The following UBN2 variants were observed in gnomAD, a reference collection of about 807,000 sequenced individuals.
UBN2 encodes the protein ubinuclein-2.
In UBN2, 35 loss-of-function variants were observed where a neutral mutation model predicts 120.2. That is an observed-to-expected ratio of 0.29 (90% CI 0.22 to 0.39). The LOEUF is 0.39. Ranked by LOEUF, UBN2 falls within the 10% of genes least tolerant of loss-of-function variation. The pLI is 1.00. For synonymous variants in UBN2, 661 were observed against 648.7 expected (o/e 1.02, Z -0.29); for missense variants, 1,693 against 1,663.2 (o/e 1.02, Z -0.31).
intron 2 of UBN2, among the ~76,000 whole-genome samples, chr7:139,239,551 C>CTTTTTTTTTTTTTT (rs774812960): frequency 1.1e-5 from 1 of 94,580 alleles, no homozygotes; most frequent in Non-Finnish European, 2.0e-5. Flanking sequence ...ATTAGAGTGT[C>CTTTTTTTTTTTTTT]TTTTTTTTTT....
intron 9 of UBN2, among the ~76,000 whole-genome samples, chr7:139,272,677 C>A (rs545386520): frequency 6.6e-6 from 1 of 152,200 alleles, no homozygotes; most frequent in South Asian, 2.1e-4. Flanking sequence ...CAGACACGTG[C>A]CACCACACCA....
At position 139,284,477 on chromosome 7, in the gene UBN2, G is replaced by T; in HGVS notation, c.3572G>T (p.Gly1191Val). 1 of 1,614,172 alleles carries T rather than the reference G, an allele frequency of 6.2e-7. No individual in the cohort carries two copies. The highest frequency in any genetic ancestry group is 1.1e-5 in the South Asian group (1 of 91,068). Reference sequence around the variant, plus strand: ...GCTAATAGGACTAGTCTGTCTGGGGGAACAGGAAGTGGAACACAGGGTGCT... The same window carrying T: ...GCTAATAGGACTAGTCTGTCTGGGGTAACAGGAAGTGGAACACAGGGTGCT... Reference protein sequence around the residue: ...SGANRTSLSGGTGSGTQGATK... With the variant: ...SGANRTSLSGVTGSGTQGATK... Residue 1191 changes from glycine to valine, a missense_variant, in exon 15 of 18, where the codon GGA becomes GTA. Physicochemically the swap from Gly to Val is moderately radical, Grantham distance 109. Coordinates refer to ENST00000473989, the MANE Select transcript of UBN2 (RefSeq NM_173569.4).
the UBN2 span, among the ~76,000 whole-genome samples, chr7:139,320,927 A>G: frequency 6.6e-6 from 1 of 152,188 alleles, no homozygotes; most frequent in Admixed American, 6.5e-5. Context: ...GACGAAATAT[A>G]TAAATATGTA....
Position 139,259,385 on chromosome 7 carries a change from A to G in UBN2, c.905+15A>G. 6.2e-7 allele frequency: 1 copy of G among 1,611,802 alleles called. No homozygotes were observed. Among genetic ancestry groups the G allele is most frequent in the Middle Eastern group, 1.7e-4 (1 of 6,036 alleles). Reference sequence around the variant, plus strand: ...AAACAACTGGGGTACGTTAAATTAAACCTAAGAAGGGAACTGGCGTCACAG... The same window carrying G: ...AAACAACTGGGGTACGTTAAATTAAGCCTAAGAAGGGAACTGGCGTCACAG... On this transcript the variant is annotated intron_variant, in intron 5 of 17. Coordinates refer to ENST00000473989, the MANE Select transcript of UBN2 (RefSeq NM_173569.4).
At chr7:139,274,101 A>T in intron 11 of UBN2, 27 bp downstream of exon 11, 1 of 1,557,844 alleles carries the variant, frequency 6.4e-7, no homozygotes, top group South Asian at 1.2e-5. Context: ...ACTGGATTTT[A>T]TTTTATTTTA....
intron 12 of UBN2, among the ~76,000 whole-genome samples, chr7:139,278,170 T>A (rs1797500340): frequency 6.6e-6 from 1 of 151,228 alleles, no homozygotes; most frequent in South Asian, 2.1e-4. Flanking sequence ...TCCCTCTCTG[T>A]CTCTCTCTGG....
At chr7:139,313,941 T>C in the UBN2 span, among the ~76,000 whole-genome samples, 56,515 of 150,930 alleles carry the variant, frequency 0.37, 13,447 homozygotes, top group African/African-American at 0.67. Flanking sequence ...CTCCGCCTCC[T>C]GGGTTCAAGT....
chr7:139,295,627 T>A (rs1241409406), intron 17 of UBN2, among the ~76,000 whole-genome samples: 2 of 152,352 alleles, frequency 1.3e-5, no homozygotes, highest in South Asian at 4.1e-4. Flanking sequence ...TTAAAAAGTT[T>A]AAAATTTTTC....
intron 12 of UBN2, among the ~76,000 whole-genome samples, chr7:139,278,090 C>CAT (rs1173537971): frequency 2.6e-5 from 4 of 151,812 alleles, no homozygotes; most frequent in African/African-American, 9.7e-5. Flanking sequence ...GTTCTAAAGC[C>CAT]ATATATACAT....
At chr7:139,290,450 A>G (rs1351712220) in intron 15 of UBN2, among the ~76,000 whole-genome samples, 2 of 152,214 alleles carry the variant, frequency 1.3e-5, no homozygotes, top group African/African-American at 4.8e-5. Flanking sequence ...ATTTTGGTAA[A>G]AAAGAAAGAA....
chr7:139,326,385 T>C, the UBN2 span, among the ~76,000 whole-genome samples: 1 of 152,224 alleles, frequency 6.6e-6, no homozygotes, highest in East Asian at 1.9e-4. Flanking sequence ...AAATATCACC[T>C]TCTGAGGAAG....
intron 8 of UBN2, among the ~76,000 whole-genome samples, chr7:139,270,184 G>C (rs1324478527): frequency 6.6e-6 from 1 of 151,714 alleles, no homozygotes; most frequent in Non-Finnish European, 1.5e-5. Context: ...TATATATAAA[G>C]AAATACTGTC....
intron 3 of UBN2, among the ~76,000 whole-genome samples, chr7:139,256,105 A>G (rs1396052946): frequency 6.6e-6 from 1 of 152,216 alleles, no homozygotes; most frequent in Non-Finnish European, 1.5e-5. Context: ...TACTGAAATG[A>G]CTGAACTAAA....
rs751625717 is a variant in UBN2 at position 139,299,224 on chromosome 7, A to C, written c.*1388A>C. ...ATTATTCTAGTTTTTTAAGCTTCTG[A>C]ATATTTTCATACTATATCAGAGAAT... On this transcript the variant is annotated 3_prime_UTR_variant, in exon 18 of 18. Coordinates refer to ENST00000473989, the MANE Select transcript of UBN2 (RefSeq NM_173569.4). 6.6e-6 allele frequency: 1 copy of C among 152,136 alleles called. No homozygotes were observed. Among genetic ancestry groups the C allele is most frequent in the African/African-American group, 2.4e-5 (1 of 41,428 alleles). 9.4% of individuals were successfully genotyped at this position (152,136 alleles called of 1,614,324 possible).
chr7:139,248,742 C>CCTCT (rs370735982), intron 2 of UBN2, among the ~76,000 whole-genome samples: 1 of 151,624 alleles, frequency 6.6e-6, no homozygotes, highest in Non-Finnish European at 1.5e-5. Flanking sequence ...TAGATCTCTT[C>CCTCT]CTCTCTCTCT....
Position 139,304,194 on chromosome 7 carries a change from A to G in UBN2, c.*6358A>G, listed in dbSNP as rs1433657019. ...GAGCACTACACACAGTCAGCTGGAT[A>G]CTCTTGTAGCCATTGCACCTTTGTA... On this transcript the variant is annotated 3_prime_UTR_variant, in exon 18 of 18. Transcript: ENST00000473989. 1 of 151,960 alleles carries G rather than the reference A, an allele frequency of 6.6e-6. No individual in the cohort carries two copies. Among genetic ancestry groups the G allele is most frequent in the Non-Finnish European group, 1.5e-5 (1 of 68,010 alleles). 9.4% of individuals were successfully genotyped at this position (151,960 alleles called of 1,614,324 possible).
At chr7:139,310,972 A>G (rs1798439856), downstream of UBN2, among the ~76,000 whole-genome samples, 1 of 152,154 alleles carries the variant, frequency 6.6e-6, no homozygotes, top group Admixed American at 6.5e-5. Context: ...TCGTTTATAT[A>G]TTTGCCATCT....
intron 4 of UBN2, 71 bp from the exon 5 acceptor site, chr7:139,259,196 G>T: frequency 1.9e-6 from 3 of 1,569,512 alleles, no homozygotes; most frequent in Non-Finnish European, 2.6e-6. Flanking sequence ...CACTGCTGAT[G>T]CTGGATTGCT....
intron 7 of UBN2, among the ~76,000 whole-genome samples, chr7:139,266,661 A>G (rs927460846): frequency 2.0e-5 from 3 of 152,240 alleles, no homozygotes; most frequent in Non-Finnish European, 4.4e-5. Context: ...GTTGGATATT[A>G]AGCTAGACTT....
Sources: allele counts gnomAD v4.1 joint callset (sites outside exome capture counted in the v4.1 genomes callset), GRCh38; gene constraint gnomAD v4.1.1; transcripts MANE v1.5; gene names NCBI Gene and HGNC (gene_info 2026-07-23, HGNC 2026-07-21).